The following NCAM2 variants were observed in gnomAD, a reference collection of about 807,000 sequenced individuals.
NCAM2 encodes neural cell adhesion molecule 2, also known as N-CAM-2.
A neutral mutation model predicts 98.1 loss-of-function variants in NCAM2; 30 were observed. The ratio of observed to expected loss-of-function variants is 0.31; its 90% CI spans 0.23 to 0.41. The LOEUF (loss-of-function observed/expected upper bound fraction) is 0.41. Among genes scored for constraint, NCAM2 ranks in the 10% least tolerant of loss-of-function variants. The pLI, the probability that NCAM2 is intolerant of heterozygous loss-of-function variation, is 1.00. For missense variants in NCAM2, 867 were observed against 1,005.8 expected (o/e 0.86, Z 1.87); for synonymous variants, 368 against 342.4 (o/e 1.07, Z -0.83).
chr21:21,478,552 T>A (rs984258012), intron 15 of NCAM2, among the ~76,000 whole-genome samples: 1 of 151,332 alleles, frequency 6.6e-6, no homozygotes, highest in African/African-American at 2.5e-5. Flanking sequence ...TTTATATGAT[T>A]AATCTTTCAA....
At chr21:21,045,804 T>C (rs547011962) in intron 1 of NCAM2, among the ~76,000 whole-genome samples, 3 of 152,360 alleles carry the variant, frequency 2.0e-5, no homozygotes, top group East Asian at 1.9e-4. Context: ...ATAAAATATG[T>C]CACATGATGT....
At chr21:21,354,263 A>G (rs1420824501) in intron 8 of NCAM2, among the ~76,000 whole-genome samples, 1 of 152,184 alleles carries the variant, frequency 6.6e-6, no homozygotes, top group Non-Finnish European at 1.5e-5. Flanking sequence ...TGTACATTGA[A>G]TAAGTATCTG....
At chr21:21,476,611 A>G (rs1050489904) in intron 14 of NCAM2, among the ~76,000 whole-genome samples, 3 of 152,050 alleles carry the variant, frequency 2.0e-5, no homozygotes, top group African/African-American at 7.2e-5. Context: ...ATTTTTTCAA[A>G]TAAAGGGAAA....
At chr21:21,109,554 A>T (rs112995920) in intron 1 of NCAM2, among the ~76,000 whole-genome samples, 3,188 of 152,258 alleles carry the variant, frequency 0.021, 125 homozygotes, top group African/African-American at 0.073. Flanking sequence ...TCAATTATTA[A>T]TGAAATATTT....
intron 1 of NCAM2, among the ~76,000 whole-genome samples, chr21:21,012,319 G>A (rs1225286807): frequency 6.6e-6 from 1 of 152,070 alleles, no homozygotes; most frequent in East Asian, 1.9e-4. Flanking sequence ...TTAAATATGA[G>A]CTGTATCTTT....
intron 9 of NCAM2, among the ~76,000 whole-genome samples, chr21:21,397,205 T>G (rs2076529099): frequency 6.6e-6 from 1 of 152,100 alleles, no homozygotes; most frequent in Non-Finnish European, 1.5e-5. Flanking sequence ...TGGGTAGGCC[T>G]GGAAAAAGCA....
chr21:21,438,849 A>T (rs232409), intron 12 of NCAM2, among the ~76,000 whole-genome samples: 55,333 of 151,812 alleles, frequency 0.36, 10,192 homozygotes, highest in South Asian at 0.48. Flanking sequence ...TTGGGAAGGT[A>T]CGGAGGGAGA....
chr21:21,002,602 T>TTTACAATG, intron 1 of NCAM2, among the ~76,000 whole-genome samples: 1 of 152,220 alleles, frequency 6.6e-6, no homozygotes, highest in Middle Eastern at 3.4e-3. Flanking sequence ...TTCTCTGTCT[T>TTTACAATG]TTAACATTTG....
At chr21:21,408,233 G>A (rs1237446766) in intron 9 of NCAM2, among the ~76,000 whole-genome samples, 1 of 152,148 alleles carries the variant, frequency 6.6e-6, no homozygotes, top group Non-Finnish European at 1.5e-5. Context: ...TGTTTAGAAA[G>A]TGAGGAGCTT....
intron 1 of NCAM2, among the ~76,000 whole-genome samples, chr21:21,218,241 G>A (rs1210819284): frequency 6.6e-6 from 1 of 152,166 alleles, no homozygotes; most frequent in African/African-American, 2.4e-5. Context: ...TGTTCAAACA[G>A]TCCAGTGCGC....
At chr21:21,180,545 AATTT>A (rs1304735779) in intron 1 of NCAM2, among the ~76,000 whole-genome samples, 3 of 152,180 alleles carry the variant, frequency 2.0e-5, no homozygotes, top group East Asian at 1.9e-4. Context: ...TCAATAATAT[AATTT>A]ATTTATTCAA....
chr21:21,292,254 TA>T lies in NCAM2; in HGVS notation c.619+15del. ...GTTATTGTTAATGGTAAGCAGTAAA[TA>T]ATTTGTACATGTTTTATGGATTCAT... is the stretch of plus-strand genomic sequence containing the variant. On this transcript the variant is annotated intron_variant, in intron 5 of 17. Coordinates refer to ENST00000400546, the MANE Select transcript of NCAM2 (RefSeq NM_004540.5). 1 of 1,597,602 alleles carries T rather than the reference TA, an allele frequency of 6.3e-7. No individual in the cohort carries two copies.
Position 21,195,308 on chromosome 21 carries a change from T to C in NCAM2, c.56-85270T>C, listed in dbSNP as rs1482316770. Among the ~76,000 whole-genome samples, 4 of 152,208 alleles carry C rather than the reference T, an allele frequency of 2.6e-5. No individual in the cohort carries two copies. The East Asian group carries it at 7.7e-4, about 29-fold the overall frequency. ...AGGGGAAAAATCTGAATTTTAAAAG[T>C]ATGCCATGTTTACAACTTTCAGTAA... On this transcript the variant is annotated intron_variant, in intron 1 of 17. Transcript: ENST00000400546.
chr21:21,136,640 T>TTTTTTG (rs10631346), intron 1 of NCAM2, among the ~76,000 whole-genome samples: 2 of 147,964 alleles, frequency 1.4e-5, no homozygotes, highest in Admixed American at 6.7e-5. Context: ...GTTTTTTTTT[T>TTTTTTG]TATTTTTAGT....
chr21:21,451,361 AAG>A (rs1217196104), intron 12 of NCAM2, among the ~76,000 whole-genome samples: 3 of 152,206 alleles, frequency 2.0e-5, no homozygotes, highest in Non-Finnish European at 2.9e-5. Flanking sequence ...AATTTGTAGA[AAG>A]AGAATCCACA....
At chr21:21,509,719 T>C (rs2146357252) in intron 16 of NCAM2, among the ~76,000 whole-genome samples, 1 of 152,308 alleles carries the variant, frequency 6.6e-6, no homozygotes, top group African/African-American at 2.4e-5. Flanking sequence ...AAAGGGAAAT[T>C]ACAATGTTTT....
chr21:21,120,128 T>G (rs1281890056), intron 1 of NCAM2, among the ~76,000 whole-genome samples: 1 of 152,232 alleles, frequency 6.6e-6, no homozygotes, highest in Non-Finnish European at 1.5e-5. Flanking sequence ...GTTCCTTGTA[T>G]GCTGTAGAGA....
chr21:21,494,861 ATATT>A (rs1047609672), intron 15 of NCAM2, among the ~76,000 whole-genome samples: 186 of 151,600 alleles, frequency 1.2e-3, no homozygotes, highest in African/African-American at 4.2e-3. Flanking sequence ...GTACTTTGTG[ATATT>A]TATCACAAAA....
chr21:21,106,441 A>C (rs572590570), intron 1 of NCAM2, among the ~76,000 whole-genome samples: 1 of 152,094 alleles, frequency 6.6e-6, no homozygotes, highest in African/African-American at 2.4e-5. Context: ...TTAAATATAA[A>C]AATAATCCAA....
Sources: allele counts gnomAD v4.1 joint callset (sites outside exome capture counted in the v4.1 genomes callset), GRCh38; gene constraint gnomAD v4.1.1; transcripts MANE v1.5; gene names NCBI Gene and HGNC (gene_info 2026-07-23, HGNC 2026-07-21).